The following FANCB variants were observed in gnomAD, a reference collection of about 807,000 sequenced individuals.
The protein encoded by FANCB is Fanconi anemia group B protein.
FANCB carries 5 observed loss-of-function variants against 38.9 expected under a neutral mutation model. The observed-to-expected ratio is 0.13, with a 90% CI of 0.07 to 0.27. The LOEUF is 0.27. Ranked by LOEUF, FANCB falls within the 10% of genes least tolerant of loss-of-function variation. The pLI, the probability that FANCB is intolerant of heterozygous loss-of-function variation, is 1.00. For missense variants in FANCB, 573 were observed against 602.7 expected (o/e 0.95, Z 0.52); for synonymous variants, 236 against 215.4 (o/e 1.10, Z -0.84).
chrX:14,751,391 T>G, the FANCB span, among the ~76,000 whole-genome samples: 2 of 112,066 alleles, frequency 1.8e-5, no homozygotes, highest in Non-Finnish European at 3.8e-5. Context: ...ACAGAATACC[T>G]ACCGTGTGAT....
chrX:14,789,280 A>T, the FANCB span, among the ~76,000 whole-genome samples: 6 of 111,137 alleles, frequency 5.4e-5, no homozygotes, highest in African/African-American at 2.0e-4. Flanking sequence ...GCCATTATTC[A>T]GTAGAATGTT....
At chrX:14,815,673 C>T in the FANCB span, among the ~76,000 whole-genome samples, 1 of 111,932 alleles carries the variant, frequency 8.9e-6, no homozygotes, top group Non-Finnish European at 1.9e-5. Context: ...TGAGTGTCTA[C>T]CCAAAGGAAA....
the FANCB span, among the ~76,000 whole-genome samples, chrX:14,830,822 G>A: frequency 8.9e-6 from 1 of 112,117 alleles, no homozygotes; most frequent in South Asian, 3.7e-4. Context: ...TTCCACTAGT[G>A]TGTTGCACAA....
At chrX:14,870,908 C>T (rs910387736) in intron 1 of FANCB, among the ~76,000 whole-genome samples, 4 of 111,547 alleles carry the variant, frequency 3.6e-5, no homozygotes, top group Non-Finnish European at 7.5e-5. Context: ...TAAAATGGCA[C>T]CTAATAATAC....
At chrX:14,700,305 AGAGCAGGAAGGGGCAGGGACG>A in the FANCB span, among the ~76,000 whole-genome samples, 1 of 110,768 alleles carries the variant, frequency 9.0e-6, no homozygotes, top group South Asian at 3.9e-4. Context: ...AGGTTGAGAA[AGAGCAGGAAGGGGCAGGGACG>A]GAGCAGGAAG....
At chrX:14,834,341 C>A (rs1389273268), downstream of FANCB, 12 of 314,902 alleles carry the variant, frequency 3.8e-5, no homozygotes, top group African/African-American at 3.2e-4. Flanking sequence ...CACAATGGAA[C>A]CTGGACAACA....
At chrX:14,802,602 G>A in the FANCB span, among the ~76,000 whole-genome samples, 1 of 111,978 alleles carries the variant, frequency 8.9e-6, no homozygotes, top group Admixed American at 9.5e-5. Context: ...GACACTATTA[G>A]TGCCACAGAT....
At position 14,843,738 on chromosome X, in the gene FANCB, T is replaced by G. The variant is rs1340831319; in HGVS notation, c.2409A>C (p.Ser803=). Reference sequence around the variant, plus strand: ...AGGGATGGATATTTTCCCTTCTGTCTGATAAAGCAGCCGCGACGACACTAC... The same window carrying G: ...AGGGATGGATATTTTCCCTTCTGTCGGATAAAGCAGCCGCGACGACACTAC... ...GKSSVVAAAL[S]DRRENIHPYR... The change falls in exon 10 of 10, where the codon TCA becomes TCC. Residue 803 remains serine, a synonymous_variant. Transcript: ENST00000650831. 1 of 1,211,486 alleles carries G rather than the reference T, an allele frequency of 8.3e-7. No homozygotes were observed. Among genetic ancestry groups the G allele is most frequent in the Non-Finnish European group, 1.1e-6 (1 of 895,356 alleles).
At chrX:14,869,916 C>T (rs970292816) in intron 1 of FANCB, among the ~76,000 whole-genome samples, 3 of 111,900 alleles carry the variant, frequency 2.7e-5, no homozygotes, top group African/African-American at 9.7e-5. Context: ...ACATAAATGA[C>T]TATTTATGAC....
At chrX:14,869,977 T>A (rs2092487728) in intron 1 of FANCB, among the ~76,000 whole-genome samples, 1 of 112,474 alleles carries the variant, frequency 8.9e-6, no homozygotes, top group Non-Finnish European at 1.9e-5. Context: ...TATATGTGCA[T>A]ATCCACTATA....
the FANCB span, among the ~76,000 whole-genome samples, chrX:14,711,535 G>C: frequency 8.9e-6 from 1 of 112,312 alleles, no homozygotes; most frequent in Non-Finnish European, 1.9e-5. Context: ...CTGAGAAATT[G>C]AGAACACTCT....
At chrX:14,805,483 G>A in the FANCB span, among the ~76,000 whole-genome samples, 1 of 110,656 alleles carries the variant, frequency 9.0e-6, no homozygotes, top group African/African-American at 3.3e-5. Context: ...CCTTATCATG[G>A]AGAACACACC....
chrX:14,756,567 C>T, the FANCB span, among the ~76,000 whole-genome samples: 1 of 111,656 alleles, frequency 9.0e-6, no homozygotes, highest in Non-Finnish European at 1.9e-5. Context: ...TGATTAGGCA[C>T]AACTGAAGCC....
chrX:14,737,311 A>C, the FANCB span, among the ~76,000 whole-genome samples: 1 of 112,384 alleles, frequency 8.9e-6, no homozygotes, highest in Non-Finnish European at 1.9e-5. Context: ...AGTAGAGGTA[A>C]TTCGTGTTGA....
the FANCB span, among the ~76,000 whole-genome samples, chrX:14,698,406 C>T: frequency 7.3e-5 from 8 of 109,377 alleles, no homozygotes; most frequent in South Asian, 7.9e-4. Context: ...TGGCCGGGAG[C>T]GGTGGCTCAC....
the FANCB span, among the ~76,000 whole-genome samples, chrX:14,789,884 T>C: frequency 7.5e-4 from 84 of 112,336 alleles, no homozygotes; most frequent in East Asian, 0.023. Flanking sequence ...ATTGTAGGGA[T>C]ATCATGAGGA....
At chrX:14,854,320 C>T (rs889726227) in intron 5 of FANCB, among the ~76,000 whole-genome samples, 2 of 111,225 alleles carry the variant, frequency 1.8e-5, no homozygotes, top group Non-Finnish European at 3.8e-5. Context: ...AATGCACCCT[C>T]GAAAATTGTC....
chrX:14,815,192 G>C, the FANCB span, among the ~76,000 whole-genome samples: 3 of 110,378 alleles, frequency 2.7e-5, no homozygotes, highest in Non-Finnish European at 5.7e-5. Context: ...CAGGGGGAGG[G>C]ATAGCATTAG....
the FANCB span, among the ~76,000 whole-genome samples, chrX:14,719,623 G>A: frequency 8.9e-6 from 1 of 111,844 alleles, no homozygotes. Context: ...CATTAATACA[G>A]CCATTATGGA....
Sources: allele counts gnomAD v4.1 joint callset (sites outside exome capture counted in the v4.1 genomes callset), GRCh38; gene constraint gnomAD v4.1.1; transcripts MANE v1.5; gene names NCBI Gene and HGNC (gene_info 2026-07-23, HGNC 2026-07-21).